The following PRPF38B variants were observed in gnomAD, a reference collection of about 807,000 sequenced individuals.
PRPF38B encodes pre-mRNA processing factor 38B.
In PRPF38B, 18 loss-of-function variants were observed where a neutral mutation model predicts 67.2. The observed-to-expected ratio is 0.27, with a 90% CI of 0.19 to 0.40. The LOEUF (loss-of-function observed/expected upper bound fraction) is 0.40, where lower values mean the gene tolerates loss of function less well. Ranked by LOEUF, PRPF38B falls within the 10% of genes least tolerant of loss-of-function variation. The pLI, the probability that PRPF38B is intolerant of heterozygous loss-of-function variation, is 1.00. For missense variants in PRPF38B, 544 were observed against 684.9 expected (o/e 0.79, Z 2.30); for synonymous variants, 246 against 234.2 (o/e 1.05, Z -0.46).
rs760631947 is a variant in PRPF38B at position 108,698,876 on chromosome 1, A to G, written c.782+49A>G. 6.7e-6 allele frequency: 10 copies of G among 1,491,660 alleles called. No homozygotes were observed. In the African/African-American group the frequency reaches 7.1e-5, roughly 11 times the overall value. The allele number at this position is 1,491,660 out of a possible 1,614,324, so 92.4% of individuals were successfully genotyped here. On this transcript the variant is annotated intron_variant, in intron 5 of 5. Coordinates refer to ENST00000370025, the MANE Select transcript of PRPF38B (RefSeq NM_018061.4). The stretch of plus-strand genomic sequence containing the variant: ...TTATTTTTCATATATGCTTTATACA[A>G]AATTAATGGTTCTGAGAAATAGCAA...
At chr1:108,695,581 T>C in intron 1 of PRPF38B, 121 bp from the exon 2 acceptor site, 1 of 913,518 alleles carries the variant, frequency 1.1e-6, no homozygotes, top group East Asian at 2.7e-5. Flanking sequence ...AGTAAACATA[T>C]ACTTAATGCC....
Position 108,699,812 on chromosome 1 carries a change from G to A in PRPF38B, c.1433G>A (p.Arg478Lys). The A allele has an allele frequency of 6.2e-7, 1 of 1,613,038 alleles. No homozygotes were observed. The highest frequency in any genetic ancestry group is 8.5e-7 in the Non-Finnish European group (1 of 1,179,800). Residue 478 changes from arginine to lysine, a missense_variant, in exon 6 of 6, where the codon AGA becomes AAA. By Grantham distance (26) the Arg-to-Lys change is conservative. Around this residue, in one of 5 missense-constraint regions of PRPF38B, gnomAD observed 387 missense variants for 386.1 expected, o/e 1.00. Coordinates refer to ENST00000370025, the MANE Select transcript of PRPF38B (RefSeq NM_018061.4). ...CGAAGTCGAAGTGGCAGTCAAGGAA[G>A]AACTGACAGTGTTGAAAAATCAAAA... ...NKRSRSGSQG[R>K]TDSVEKSKKR... is the part of the protein sequence containing the mutation.
rs1660530594 is a variant in PRPF38B at position 108,701,862 on chromosome 1, G to A, written c.*1842G>A. On this transcript the variant is annotated 3_prime_UTR_variant, in exon 6 of 6. Coordinates refer to ENST00000370025, the MANE Select transcript of PRPF38B (RefSeq NM_018061.4). ...TTGTCTTTTAAATTGAGCATCAAGT[G>A]AATTAGTGCTATAGACACCCAGAAG... 1 of 152,076 alleles carries A rather than the reference G, an allele frequency of 6.6e-6. No homozygotes were observed. The highest frequency in any genetic ancestry group is 2.1e-4 in the South Asian group (1 of 4,818). 9.4% of individuals were successfully genotyped at this position (152,076 alleles called of 1,614,324 possible).
chr1:108,695,136 C>T (rs549493296), intron 1 of PRPF38B, among the ~76,000 whole-genome samples: 3 of 152,250 alleles, frequency 2.0e-5, no homozygotes, highest in Admixed American at 6.5e-5. Context: ...CATAATTTTG[C>T]ATCACAAGTA....
chr1:108,695,259 A>T (rs1659759651), intron 1 of PRPF38B, among the ~76,000 whole-genome samples: 1 of 152,224 alleles, frequency 6.6e-6, no homozygotes, highest in Non-Finnish European at 1.5e-5. Context: ...TTTTTAAATT[A>T]ATGCTTAACG....
chr1:108,692,694 A>T lies in PRPF38B; in HGVS notation c.103A>T (p.Thr35Ser), dbSNP rs139846195. The part of the protein sequence containing the change: ...QQQQCGGGGA[T>S]KPAVSGKQGN... ...GCAGCAGTGCGGCGGCGGCGGCGCT[A>T]CCAAGCCGGCGGTCTCCGGCAAGCA... The change falls in exon 1 of 6, where the codon ACC becomes TCC. Residue 35 changes from threonine (T) to serine (S), a missense_variant. Around this residue, in one of 5 missense-constraint regions of PRPF38B, gnomAD observed 70 missense variants for 58.4 expected, o/e 1.20. Transcript: ENST00000370025. The T allele has an allele frequency of 4.1e-5, 66 of 1,613,000 alleles. No individual in the cohort carries two copies. Among genetic ancestry groups the T allele is most frequent in the Non-Finnish European group, 5.6e-5 (66 of 1,180,004 alleles).
At chr1:108,698,483 T>TA in intron 4 of PRPF38B, 121 bp from the exon 5 acceptor site, 2 of 769,894 alleles carry the variant, frequency 2.6e-6, no homozygotes, top group South Asian at 4.2e-5. Context: ...GATATGAAAA[T>TA]AAAATTTTTC....
Position 108,699,417 on chromosome 1 carries a change from A to G in PRPF38B, c.1038A>G (p.Lys346=). The stretch of plus-strand genomic sequence containing the variant: ...GTCGCAGTCGAAGTCGTGATAGGAA[A>G]GGGGATAGAAGGGACAGGGATCGAG... ...HRSRSRSRDR[K]GDRRDRDRER... The change falls in exon 6 of 6, where the codon AAA becomes AAG. Residue 346 remains lysine (K), a synonymous_variant. Transcript: ENST00000370025. The G allele has an allele frequency of 6.8e-6, 11 of 1,614,154 alleles. No homozygotes were observed. Among genetic ancestry groups the G allele is most frequent in the Non-Finnish European group, 9.3e-6 (11 of 1,180,030 alleles).
intron 4 of PRPF38B, 44 bp from the exon 5 acceptor site, chr1:108,698,560 A>C: frequency 7.3e-7 from 1 of 1,369,960 alleles, no homozygotes; most frequent in Non-Finnish European, 1.0e-6. Flanking sequence ...GTATATATGG[A>C]AATACTTTTT....
rs758765727 is a variant in PRPF38B, at chr1:108,699,399, T to G, written c.1020T>G (p.Ser340Arg). The G allele has an allele frequency of 6.2e-7, 1 of 1,613,608 alleles. No individual in the cohort carries two copies. Among genetic ancestry groups the G allele is most frequent in the South Asian group, 1.1e-5 (1 of 91,038 alleles). Residue 340 changes from serine (S) to arginine (R), a missense_variant, in exon 6 of 6, where the codon AGT becomes AGG. Transcript: ENST00000370025. ...SRSRERHRSR[S>R]RSRDRKGDRR... ...GTAGGGAAAGGCATAGAAGTCGCAGTCGAAGTCGTGATAGGAAAGGGGATA... is the reference window on the plus strand; with the variant it reads ...GTAGGGAAAGGCATAGAAGTCGCAGGCGAAGTCGTGATAGGAAAGGGGATA...
rs1284437153 is a variant in PRPF38B at position 108,702,486 on chromosome 1, A to G, written c.*2466A>G. 6.6e-6 allele frequency among the ~76,000 whole-genome samples: 1 copy of G among 152,188 alleles called. No individual in the cohort carries two copies. The highest frequency in any genetic ancestry group is 2.4e-5 in the African/African-American group (1 of 41,462). On this transcript the variant is annotated 3_prime_UTR_variant, in exon 6 of 6. Coordinates refer to ENST00000370025, the MANE Select transcript of PRPF38B (RefSeq NM_018061.4). ...AATTATGGTAGGTGTGAGAACATGTAAATTGTGCTAGTTATTGCTATATAT... is the reference window on the plus strand; with the variant it reads ...AATTATGGTAGGTGTGAGAACATGTGAATTGTGCTAGTTATTGCTATATAT...
Position 108,692,467 on chromosome 1 carries a change from G to A in PRPF38B, c.-125G>A. The A allele has an allele frequency of 8.5e-7, 1 of 1,172,338 alleles. No individual in the cohort carries two copies. The highest frequency in any genetic ancestry group is 1.2e-6 in the Non-Finnish European group (1 of 860,226). The allele number at this position is 1,172,338 out of a possible 1,614,324, so 72.6% of individuals were successfully genotyped here. A position where few individuals can be genotyped will look rare whatever the true frequency, so the allele number is the denominator to read the frequency against. The stretch of plus-strand genomic sequence containing the variant: ...CCCTCTCTTGCCCAGCTGGGGCACA[G>A]CGAGGCGGCCCCTTCTCCCGACGAC... On this transcript the variant is annotated 5_prime_UTR_variant, in exon 1 of 6. Transcript: ENST00000370025.
Position 108,698,790 on chromosome 1 carries a change from G to A in PRPF38B, c.745G>A (p.Glu249Lys), listed in dbSNP as rs777805964. ...CAAGAAAGATGGGAAGGAAGGTGCTGAGGAAATAGACAGACATGTTGAACG... is the reference window on the plus strand; with the variant it reads ...CAAGAAAGATGGGAAGGAAGGTGCTAAGGAAATAGACAGACATGTTGAACG... Reference protein sequence around the residue: ...KIKKDGKEGAEEIDRHVERRR... With the variant: ...KIKKDGKEGAKEIDRHVERRR... The change falls in exon 5 of 6, where the codon GAG becomes AAG. Residue 249 changes from glutamate (E) to lysine (K), a missense_variant. By Grantham distance (56) the Glu-to-Lys change is moderately conservative. Around this residue, in one of 5 missense-constraint regions of PRPF38B, gnomAD observed 387 missense variants for 386.1 expected, o/e 1.00. Coordinates refer to ENST00000370025, the MANE Select transcript of PRPF38B (RefSeq NM_018061.4). 7 of 1,613,776 alleles carry A rather than the reference G, an allele frequency of 4.3e-6. No individual in the cohort carries two copies. The highest frequency in any genetic ancestry group is 5.9e-6 in the Non-Finnish European group (7 of 1,179,826).
In PRPF38B at chr1:108,692,586, CG is replaced by C; in HGVS notation, c.-5del. 6.4e-7 allele frequency: 1 copy of C among 1,564,738 alleles called. No homozygotes were observed. Among genetic ancestry groups the C allele is most frequent in the Admixed American group, 2.0e-5 (1 of 51,154 alleles). ...TCCTTCCCTCCCTCCTTCCTTCCGC[CG>C]CAACATGGCTAACAACAGCCCCGCG... On this transcript the variant is annotated 5_prime_UTR_variant, in exon 1 of 6. Transcript: ENST00000370025.
chr1:108,695,863 G>C, intron 2 of PRPF38B, 93 bp downstream of exon 2: 1 of 1,435,094 alleles, frequency 7.0e-7, no homozygotes, highest in Non-Finnish European at 9.5e-7. Flanking sequence ...ATACACTTGA[G>C]TGACAATTTT....
chr1:108,694,459 TAAGAA>T (rs1659653484), intron 1 of PRPF38B, among the ~76,000 whole-genome samples: 1 of 152,212 alleles, frequency 6.6e-6, no homozygotes. Flanking sequence ...TTACTAATAT[TAAGAA>T]GACTTAAGAC....
rs1292347399 is a variant in PRPF38B, at chr1:108,699,388, AGAAGTCGCAGTC to A, written c.1017_1028del (p.Ser340_Arg343del). 1.9e-6 allele frequency: 3 copies of A among 1,614,080 alleles called. No homozygotes were observed. The highest frequency in any genetic ancestry group is 1.7e-5 in the Admixed American group (1 of 60,012). On this transcript the variant is annotated inframe_deletion, in exon 6 of 6. Coordinates refer to ENST00000370025, the MANE Select transcript of PRPF38B (RefSeq NM_018061.4). ...GCGCAGCAGAAGTAGGGAAAGGCAT[AGAAGTCGCAGTC>A]GAAGTCGTGATAGGAAAGGGGATAG... is the stretch of plus-strand genomic sequence containing the variant.
Position 108,692,526 on chromosome 1 carries a change from GA to G in PRPF38B, c.-64del. 6.8e-7 allele frequency: 1 copy of G among 1,471,996 alleles called. No individual in the cohort carries two copies. Among genetic ancestry groups the G allele is most frequent in the Non-Finnish European group, 9.0e-7 (1 of 1,111,910 alleles). 91.2% of individuals were successfully genotyped at this position (1,471,996 alleles called of 1,614,324 possible). On this transcript the variant is annotated 5_prime_UTR_variant, in exon 1 of 6. Transcript: ENST00000370025. ...GAGTAGGGTCCCAGACCGTTGTCCC[GA>G]AGAGCGAGATCGAGCTTGGCCCCCT...
At chr1:108,693,107 C>T (rs1181268414) in intron 1 of PRPF38B, among the ~76,000 whole-genome samples, 3 of 152,310 alleles carry the variant, frequency 2.0e-5, no homozygotes, top group African/African-American at 2.4e-5. Context: ...CCTCCCCCAA[C>T]CTCCTGCCCA....
Sources: gnomAD v4.1 joint callset for allele counts (sites outside exome capture counted in the v4.1 genomes callset) on GRCh38, gnomAD v4.1.1 for gene constraint, gnomAD v4.1.1 regional missense constraint, MANE v1.5 for transcripts, NCBI Gene and HGNC (gene_info 2026-07-23, HGNC 2026-07-21) for gene names.